Variants in TCF4 observed in about 807,000 individuals in gnomAD.
TCF4 encodes SL3-3 enhancer factor 2.
In TCF4, 3 loss-of-function variants were observed where a neutral mutation model predicts 82.1. The observed-to-expected ratio is 0.04, with a 90% CI of 0.02 to 0.09. The LOEUF (loss-of-function observed/expected upper bound fraction) is 0.09. TCF4 is among the 10% of genes least tolerant of loss of function. TCF4 has a pLI of 1.00. For synonymous variants in TCF4, 276 were observed against 309.6 expected (o/e 0.89, Z 1.14); for missense variants, 518 against 852.7 (o/e 0.61, Z 4.89).
chr18:55,419,527 A>T (rs1018239810), intron 5 of TCF4, among the ~76,000 whole-genome samples: 5 of 152,196 alleles, frequency 3.3e-5, no homozygotes, highest in African/African-American at 1.2e-4. Context: ...TCATAAAGCA[A>T]AACCTTTATT....
intron 15 of TCF4, among the ~76,000 whole-genome samples, chr18:55,252,869 A>C (rs1196208345): frequency 6.6e-6 from 1 of 152,182 alleles, no homozygotes; most frequent in East Asian, 1.9e-4. Context: ...GTAGTTAGAA[A>C]AAAAAGAGCT....
rs1282385811 is a variant in TCF4, at chr18:55,303,234, C to CACACACACACACACACACACCCCT, written c.550-23579_550-23578insAGGGGTGTGTGTGTGTGTGTGTGT. 1.1e-3 allele frequency among the ~76,000 whole-genome samples: 166 copies of CACACACACACACACACACACCCCT among 146,976 alleles called. 1 individual carries two copies. The highest frequency in any genetic ancestry group is 3.9e-3 in the African/African-American group (155 of 39,474). Reference sequence around the variant, plus strand: ...ACCTGGCTCCCAGTACGTACACACACACACACACACACACACACACACACA... The same window carrying CACACACACACACACACACACCCCT: ...ACCTGGCTCCCAGTACGTACACACACACACACACACACACACACACCCCTACACACACACACACACACACACACA... On this transcript the variant is annotated intron_variant, in intron 8 of 19. Transcript: ENST00000354452.
At chr18:55,549,334 A>G (rs1037967831) in intron 3 of TCF4, among the ~76,000 whole-genome samples, 1 of 152,150 alleles carries the variant, frequency 6.6e-6, no homozygotes, top group African/African-American at 2.4e-5. Context: ...CTTTAATAAA[A>G]AAAAAAAAAT....
chr18:55,456,112 C>T (rs914154554), intron 5 of TCF4, among the ~76,000 whole-genome samples: 4 of 152,198 alleles, frequency 2.6e-5, no homozygotes, highest in African/African-American at 9.7e-5. Flanking sequence ...AATATTCCTG[C>T]TAGGCAAACG....
In TCF4 at chr18:55,302,483, A is replaced by T. The variant is rs1441986708; in HGVS notation, c.550-22827T>A. 3.3e-6 allele frequency: 5 copies of T among 1,536,034 alleles called. No individual in the cohort carries two copies. In the African/African-American group the frequency reaches 6.8e-5, roughly 21 times the overall value. On this transcript the variant is annotated intron_variant, in intron 8 of 19. Coordinates refer to ENST00000354452, the MANE Select transcript of TCF4 (RefSeq NM_001083962.2). Reference sequence around the variant, plus strand: ...TGAGCATCTGCATTGTTTAAATTTCATCCTGTGGTGTTGTTTGCTGATTGG... The same window carrying T: ...TGAGCATCTGCATTGTTTAAATTTCTTCCTGTGGTGTTGTTTGCTGATTGG...
intron 3 of TCF4, among the ~76,000 whole-genome samples, chr18:55,549,859 G>A (rs1452583959): frequency 6.6e-6 from 1 of 152,064 alleles, no homozygotes; most frequent in Non-Finnish European, 1.5e-5. Context: ...TGACCGAAAC[G>A]CCATTATGCA....
At chr18:55,430,924 C>T (rs994706445) in intron 5 of TCF4, among the ~76,000 whole-genome samples, 3 of 152,018 alleles carry the variant, frequency 2.0e-5, no homozygotes, top group African/African-American at 4.8e-5. Flanking sequence ...CACATTTCGC[C>T]GAGAAACCAC....
chr18:55,280,970 C>T (rs1283464964), intron 8 of TCF4, among the ~76,000 whole-genome samples: 1 of 151,882 alleles, frequency 6.6e-6, no homozygotes, highest in South Asian at 2.1e-4. Flanking sequence ...CCCCAAAGTG[C>T]CCTTGAAAAT....
intron 2 of TCF4, chr18:55,585,624 T>C (rs1445442338): frequency 5.3e-6 from 3 of 562,602 alleles, no homozygotes; most frequent in Non-Finnish European, 8.2e-6. Flanking sequence ...ACAGTCCCCA[T>C]AATGTTATCA....
At chr18:55,284,155 G>A (rs1355694870) in intron 8 of TCF4, 1 of 152,160 alleles carries the variant, frequency 6.6e-6, no homozygotes, top group East Asian at 1.9e-4. Context: ...GCTCATGCGT[G>A]TAATCCCAGC....
chr18:55,564,091 T>C (rs1022193918), intron 3 of TCF4, among the ~76,000 whole-genome samples: 1 of 152,178 alleles, frequency 6.6e-6, no homozygotes, highest in Non-Finnish European at 1.5e-5. Context: ...CGTGAGAAAG[T>C]GGCATTTCAG....
At chr18:55,301,812 AGT>A (rs1191738983) in intron 8 of TCF4, among the ~76,000 whole-genome samples, 1 of 101,078 alleles carries the variant, frequency 9.9e-6, no homozygotes, top group African/African-American at 3.8e-5. Context: ...AAAAAAAAAA[AGT>A]GGGGGGGGAT....
intron 3 of TCF4, among the ~76,000 whole-genome samples, chr18:55,481,103 C>CAAAAAA (rs74180501): frequency 1.2e-5 from 1 of 80,564 alleles, no homozygotes; most frequent in Non-Finnish European, 2.3e-5. Context: ...GACTCCATCT[C>CAAAAAA]AAAAAAAAAA....
chr18:55,555,997 T>C (rs761735674), intron 3 of TCF4, among the ~76,000 whole-genome samples: 98 of 152,320 alleles, frequency 6.4e-4, no homozygotes, highest in Non-Finnish European at 1.1e-3. Context: ...TTTAAACAGA[T>C]ATTAATAAAG....
intron 3 of TCF4, among the ~76,000 whole-genome samples, chr18:55,509,862 T>C (rs1293186112): frequency 1.3e-5 from 2 of 152,070 alleles, no homozygotes; most frequent in Non-Finnish European, 1.5e-5. Context: ...GCCAGGGAAA[T>C]TCCTTTGATA....
chr18:55,557,880 T>A (rs1468342576), intron 3 of TCF4, among the ~76,000 whole-genome samples: 2 of 152,160 alleles, frequency 1.3e-5, no homozygotes, highest in Non-Finnish European at 1.5e-5. Flanking sequence ...CAGTCTGACA[T>A]GTCCAGACTG....
intron 5 of TCF4, among the ~76,000 whole-genome samples, chr18:55,409,973 G>T (rs936342432): frequency 1.3e-5 from 2 of 152,140 alleles, no homozygotes; most frequent in Admixed American, 1.3e-4. Flanking sequence ...GGACAACTCT[G>T]CCTTCATCCA....
intron 3 of TCF4, among the ~76,000 whole-genome samples, chr18:55,528,297 A>G (rs1347765585): frequency 6.6e-6 from 1 of 152,200 alleles, no homozygotes; most frequent in Non-Finnish European, 1.5e-5. Flanking sequence ...GGTGGGGGTA[A>G]GAAAATCAAT....
intron 3 of TCF4, among the ~76,000 whole-genome samples, chr18:55,492,863 G>C (rs1487855644): frequency 6.6e-6 from 1 of 152,116 alleles, no homozygotes; most frequent in African/African-American, 2.4e-5. Context: ...CATTGTCAAG[G>C]CTCTGCTCTA....
Sources: gnomAD v4.1 joint callset for allele counts (sites outside exome capture counted in the v4.1 genomes callset) on GRCh38, gnomAD v4.1.1 for gene constraint, MANE v1.5 for transcripts, NCBI Gene and HGNC (gene_info 2026-07-23, HGNC 2026-07-21) for gene names.